DMBX1: variants seen among roughly 807,000 people sequenced by gnomAD.
DMBX1 encodes diencephalon/mesencephalon homeobox protein 1.
DMBX1 carries 7 observed loss-of-function variants against 30.4 expected under a neutral mutation model. The observed-to-expected ratio is 0.23, with a 90% confidence interval of 0.13 to 0.43. The LOEUF (loss-of-function observed/expected upper bound fraction) is 0.43, where lower values mean the gene tolerates loss of function less well. DMBX1 is among the 20% of genes least tolerant of loss of function. The pLI is 1.00. For missense variants in DMBX1, 460 were observed against 508.5 expected (o/e 0.90, Z 0.92); for synonymous variants, 222 against 214.2 (o/e 1.04, Z -0.32).
At chr1:46,490,460 G>A (rs1665908400) in intron 1 of DMBX1, among the ~76,000 whole-genome samples, 184 bp from the exon 2 acceptor site, 1 of 151,982 alleles carries the variant, frequency 6.6e-6, no homozygotes, top group Admixed American at 6.6e-5. Context: ...GCGTAATGCG[G>A]ACCAGATGCG....
intron 2 of DMBX1, among the ~76,000 whole-genome samples, 90 bp downstream of exon 2, chr1:46,490,873 G>A (rs1228930713): frequency 6.6e-6 from 1 of 152,240 alleles, no homozygotes; most frequent in East Asian, 1.9e-4. Flanking sequence ...GAGCTCCGGC[G>A]AGGAACGGCA....
chr1:46,504,799 C>G (rs1666200585), intron 2 of DMBX1, among the ~76,000 whole-genome samples: 1 of 150,468 alleles, frequency 6.6e-6, no homozygotes, highest in African/African-American at 2.5e-5. Flanking sequence ...TGTAAATTAC[C>G]TTGGGCAGTA....
intron 2 of DMBX1, among the ~76,000 whole-genome samples, chr1:46,504,619 CT>C (rs1399768457): frequency 6.9e-6 from 1 of 145,808 alleles, no homozygotes; most frequent in Non-Finnish European, 1.5e-5. Context: ...TTACTGTAGC[CT>C]TGTAGTATAG....
At position 46,510,908 on chromosome 1, in the gene DMBX1, C is replaced by T; in HGVS notation, c.334-27C>T. On this transcript the variant is annotated intron_variant, in intron 4 of 5. Coordinates refer to ENST00000360032, the MANE Select transcript of DMBX1 (RefSeq NM_172225.2). This position sits in a 1 kb window ranked among gnomAD's most constrained non-coding sequence, Gnocchi z 4.1. Reference sequence around the variant, plus strand: ...CCAACCCCACTTCTTTCTTGCCCACCTCGGACTGCTCCTTTCCCGTCCCCA... The same window carrying T: ...CCAACCCCACTTCTTTCTTGCCCACTTCGGACTGCTCCTTTCCCGTCCCCA... 6 of 1,563,414 alleles carry T rather than the reference C, an allele frequency of 3.8e-6. No homozygotes were observed. The highest frequency in any genetic ancestry group is 5.2e-6 in the Non-Finnish European group (6 of 1,154,222).
chr1:46,511,132 T>G lies in DMBX1; in HGVS notation c.531T>G (p.Ser177Arg). 1 of 1,613,894 alleles carries G rather than the reference T, an allele frequency of 6.2e-7. No homozygotes were observed. Among genetic ancestry groups the G allele is most frequent in the Non-Finnish European group, 8.5e-7 (1 of 1,179,978 alleles). The change falls in exon 5 of 6, where the codon AGT becomes AGG. Residue 177 changes from serine to arginine, a missense_variant. Physicochemically the swap from Ser to Arg is moderately radical, Grantham distance 110. Transcript: ENST00000360032. ...ACCCCCCTGCTGAGCTTCACCTGAG[T>G]CTGTCTGAGCAGTCAGCCAGTGAGT... ...GSDPPAELHL[S>R]LSEQSASESA...
rs149686929 is a variant in DMBX1 at position 46,493,912 on chromosome 1, C to G, written c.-13+3129C>G. 5.4e-3 allele frequency among the ~76,000 whole-genome samples: 826 copies of G among 152,354 alleles called. 6 individuals carry two copies. The highest frequency in any genetic ancestry group is 0.019 in the African/African-American group (776 of 41,592). On this transcript the variant is annotated intron_variant, in intron 2 of 5. Transcript: ENST00000360032. The surrounding 1 kb of genome is among the most constrained non-coding windows in gnomAD (Gnocchi z 4.1). ...TCAGGGTACTCTGTAGTCCCTGTTTCCCAGCCCCGGCCTGGATCTGGATGG... is the reference window on the plus strand; with the variant it reads ...TCAGGGTACTCTGTAGTCCCTGTTTGCCAGCCCCGGCCTGGATCTGGATGG...
At chr1:46,498,518 G>A (rs908816917) in intron 2 of DMBX1, among the ~76,000 whole-genome samples, 2 of 151,424 alleles carry the variant, frequency 1.3e-5, no homozygotes, top group Non-Finnish European at 2.9e-5. Context: ...CCTTGTTCAG[G>A]GGTGGAAGAG....
In DMBX1 at chr1:46,510,338, C is replaced by A. The variant is rs950918326; in HGVS notation, c.155-138C>A. On this transcript the variant is annotated intron_variant, in intron 3 of 5. Transcript: ENST00000360032. The surrounding 1 kb of genome is among the most constrained non-coding windows in gnomAD (Gnocchi z 4.1). ...CATATGGAGAGGGGATGGCTGATTT[C>A]TAAGGGTAAGGGACCAGGGCCAGCT... 2.4e-5 allele frequency: 26 copies of A among 1,083,288 alleles called. No homozygotes were observed. Among genetic ancestry groups the A allele is most frequent in the Admixed American group, 5.6e-5 (2 of 35,808 alleles). The allele number at this position is 1,083,288 out of a possible 1,614,324, so 67.1% of individuals were successfully genotyped here. A position where few individuals can be genotyped will look rare whatever the true frequency, so the allele number is the denominator to read the frequency against.
rs1665915259 is a variant in DMBX1, at chr1:46,490,797, G to T, written c.-13+14G>T. 6.6e-6 allele frequency among the ~76,000 whole-genome samples: 1 copy of T among 152,250 alleles called. No individual in the cohort carries two copies. Among genetic ancestry groups the T allele is most frequent in the Admixed American group, 6.5e-5 (1 of 15,290 alleles). On this transcript the variant is annotated intron_variant, in intron 2 of 5. Coordinates refer to ENST00000360032, the MANE Select transcript of DMBX1 (RefSeq NM_172225.2). ...AGGAACCTTCAGGTGGGTGTTTGGG[G>T]CGCAGTGGCCCTAGTTCCCTAGAAT...
intron 2 of DMBX1, among the ~76,000 whole-genome samples, chr1:46,503,653 C>T (rs1048882268): frequency 2.6e-5 from 4 of 152,296 alleles, no homozygotes; most frequent in East Asian, 3.9e-4. Context: ...TTGCACGAAA[C>T]GTTCATGTGC....
intron 2 of DMBX1, among the ~76,000 whole-genome samples, chr1:46,501,213 C>CCTTCCTTTCTTT (rs1179560561): frequency 3.1e-3 from 232 of 74,524 alleles, no homozygotes; most frequent in East Asian, 0.016. Flanking sequence ...TTCCTTCCTT[C>CCTTCCTTTCTTT]CTTTCTTTCT....
At chr1:46,501,263 TTTCTTTCTCTTC>T (rs1225013907) in intron 2 of DMBX1, among the ~76,000 whole-genome samples, 11 of 130,574 alleles carry the variant, frequency 8.4e-5, no homozygotes, top group African/African-American at 2.1e-4. Flanking sequence ...TCTTTCTTTC[TTTCTTTCTCTTC>T]TTTCTTTCTT....
intron 2 of DMBX1, among the ~76,000 whole-genome samples, 59 bp downstream of exon 2, chr1:46,490,842 C>T (rs1665915939): frequency 1.3e-5 from 2 of 152,242 alleles, no homozygotes; most frequent in South Asian, 2.1e-4. Flanking sequence ...CTCCCGCGGC[C>T]TCAGCCGGCG....
chr1:46,505,061 C>T (rs1666205386), intron 2 of DMBX1, among the ~76,000 whole-genome samples: 1 of 150,846 alleles, frequency 6.6e-6, no homozygotes, highest in South Asian at 2.1e-4. Context: ...TACCATCTCA[C>T]ACCAGTTAGA....
chr1:46,506,361 G>C (rs1271869229), intron 2 of DMBX1, among the ~76,000 whole-genome samples: 2 of 152,224 alleles, frequency 1.3e-5, no homozygotes, highest in African/African-American at 4.8e-5. Context: ...CCCAGCCCTG[G>C]GTTTATCTCA....
intron 2 of DMBX1, 128 bp from the exon 3 acceptor site, chr1:46,506,871 C>T: frequency 9.7e-7 from 1 of 1,036,176 alleles, no homozygotes; most frequent in South Asian, 1.6e-5. Context: ...AGACAGGCTC[C>T]CTTCCGATGG....
chr1:46,497,963 C>T (rs1666055650), intron 2 of DMBX1, among the ~76,000 whole-genome samples: 1 of 152,232 alleles, frequency 6.6e-6, no homozygotes, highest in African/African-American at 2.4e-5. Context: ...ATAATTGATT[C>T]TGTTTGGAGT....
At chr1:46,500,283 T>C (rs1033459046) in intron 2 of DMBX1, among the ~76,000 whole-genome samples, 1 of 152,112 alleles carries the variant, frequency 6.6e-6, no homozygotes. Flanking sequence ...CTTCAGTTAA[T>C]AAAGCTGCAT....
intron 2 of DMBX1, among the ~76,000 whole-genome samples, chr1:46,500,837 A>G (rs1389253720): frequency 6.6e-6 from 1 of 151,998 alleles, no homozygotes; most frequent in African/African-American, 2.4e-5. Context: ...CTGTCCCCTC[A>G]TTTGCTAAAC....
Sources: gnomAD v4.1 joint callset for allele counts (sites outside exome capture counted in the v4.1 genomes callset) on GRCh38, gnomAD v4.1.1 for gene constraint, Gnocchi (gnomAD v3.1) non-coding constraint, MANE v1.5 for transcripts, NCBI Gene and HGNC (gene_info 2026-07-23, HGNC 2026-07-21) for gene names.